The following NEMP2 variants were observed in gnomAD, a reference collection of about 807,000 sequenced individuals.
NEMP2 encodes nuclear envelope integral membrane protein 2, also known as UPF0571 transmembrane protein.
In NEMP2, 53 loss-of-function variants were observed where a neutral mutation model predicts 54.2. That is an observed-to-expected ratio of 0.98 (90% CI 0.78 to 1.23). The LOEUF is 1.23. Ranked by LOEUF, NEMP2 falls within the 50% of genes most tolerant of loss-of-function variation. The pLI is 0.00. For synonymous variants in NEMP2, 197 were observed against 190.3 expected (o/e 1.04, Z -0.29); for missense variants, 455 against 511.3 (o/e 0.89, Z 1.06).
the NEMP2 span, among the ~76,000 whole-genome samples, chr2:190,543,429 T>C: frequency 2.0e-5 from 3 of 152,316 alleles, no homozygotes; most frequent in East Asian, 1.9e-4. The surrounding 1 kb of genome is among the most constrained non-coding windows in gnomAD (Gnocchi z 4.7). Context: ...AAAAGTGAGA[T>C]TGAGGTGGAC....
At chr2:190,493,964 C>A in the NEMP2 span, among the ~76,000 whole-genome samples, 2 of 151,098 alleles carry the variant, frequency 1.3e-5, no homozygotes, top group Non-Finnish European at 3.0e-5. Flanking sequence ...ACTAGAGAAA[C>A]AAGAACAAAC....
chr2:190,452,026 G>A, the NEMP2 span, among the ~76,000 whole-genome samples: 2 of 151,160 alleles, frequency 1.3e-5, no homozygotes, highest in Admixed American at 6.6e-5. Flanking sequence ...GATGATTCAT[G>A]TACTATCTTT....
the NEMP2 span, among the ~76,000 whole-genome samples, chr2:190,643,567 T>C: frequency 3.9e-5 from 6 of 152,224 alleles, no homozygotes; most frequent in Non-Finnish European, 8.8e-5. Context: ...AAGTGAATAA[T>C]AGTGCATACT....
At chr2:190,524,666 C>A (rs753192583) in intron 2 of NEMP2, among the ~76,000 whole-genome samples, 13 of 152,136 alleles carry the variant, frequency 8.5e-5, no homozygotes, top group Non-Finnish European at 1.5e-4. Context: ...TTTCTTTTTT[C>A]ATAGTACTTA....
the NEMP2 span, among the ~76,000 whole-genome samples, chr2:190,599,224 A>C: frequency 6.6e-6 from 1 of 152,212 alleles, no homozygotes. Flanking sequence ...GAAGCTATAA[A>C]AGGCAGGCTA....
upstream of NEMP2, among the ~76,000 whole-genome samples, chr2:190,537,469 T>G (rs1244166439): frequency 6.6e-6 from 1 of 152,182 alleles, no homozygotes; most frequent in Admixed American, 6.5e-5. Context: ...ACTCAGCACT[T>G]CTCTCCTGCT....
the NEMP2 span, among the ~76,000 whole-genome samples, chr2:190,483,046 C>T: frequency 2.0e-5 from 3 of 150,770 alleles, no homozygotes; most frequent in Non-Finnish European, 3.0e-5. Context: ...CGCCTGCCAC[C>T]GCGCCCGGCT....
chr2:190,640,166 A>G, the NEMP2 span, among the ~76,000 whole-genome samples: 34 of 152,310 alleles, frequency 2.2e-4, no homozygotes, highest in Non-Finnish European at 4.0e-4. Context: ...TCCATCATAT[A>G]GATATCTTAT....
the NEMP2 span, among the ~76,000 whole-genome samples, chr2:190,549,420 C>T: frequency 6.6e-6 from 1 of 152,218 alleles, no homozygotes; most frequent in Non-Finnish European, 1.5e-5. Flanking sequence ...TCCTCATCTA[C>T]TATTTGGCTA....
chr2:190,627,873 C>G, the NEMP2 span: 1 of 152,240 alleles, frequency 6.6e-6, no homozygotes, highest in Non-Finnish European at 1.5e-5. This position sits in a 1 kb window ranked among gnomAD's most constrained non-coding sequence, Gnocchi z 4.4. Flanking sequence ...TAGATTCAAA[C>G]GTACATTTTT....
chr2:190,626,143 T>C, the NEMP2 span: 3 of 152,178 alleles, frequency 2.0e-5, no homozygotes, highest in African/African-American at 7.2e-5. This position sits in a 1 kb window ranked among gnomAD's most constrained non-coding sequence, Gnocchi z 4.5. Flanking sequence ...GGGTCTCTTT[T>C]ATAAGGGCAC....
chr2:190,639,740 C>T, the NEMP2 span, among the ~76,000 whole-genome samples: 2 of 151,970 alleles, frequency 1.3e-5, no homozygotes, highest in Non-Finnish European at 1.5e-5. Context: ...CCTCAGCCTC[C>T]CGGGTTCAAG....
At chr2:190,598,781 T>C in the NEMP2 span, among the ~76,000 whole-genome samples, 1 of 152,246 alleles carries the variant, frequency 6.6e-6, no homozygotes, top group African/African-American at 2.4e-5. Context: ...ACCAGTGAAA[T>C]TGTACTTTGC....
At chr2:190,579,074 A>G in the NEMP2 span, among the ~76,000 whole-genome samples, 2 of 152,008 alleles carry the variant, frequency 1.3e-5, no homozygotes, top group East Asian at 3.9e-4. Flanking sequence ...TGTTTGGCAG[A>G]CAGTCTAGTG....
In NEMP2 at chr2:190,531,781, T is replaced by A. The variant is rs988424869; in HGVS notation, c.97+2778A>T. Among the ~76,000 whole-genome samples the A allele has an allele frequency of 1.3e-5, 2 of 152,148 alleles. No individual in the cohort carries two copies. The highest frequency in any genetic ancestry group is 4.8e-5 in the African/African-American group (2 of 41,438). On this transcript the variant is annotated intron_variant, in intron 1 of 8. Coordinates refer to ENST00000409150, the MANE Select transcript of NEMP2 (RefSeq NM_001142645.2). This position sits in a 1 kb window ranked among gnomAD's most constrained non-coding sequence, Gnocchi z 4.7. ...TCCTAAATGTAAGTATATGTTTAAG[T>A]TAAAGAGTTGAGTCATATATACGGA...
chr2:190,514,408 G>T lies in NEMP2; in HGVS notation c.953+45C>A, dbSNP rs1030098859. 9 of 1,461,632 alleles carry T rather than the reference G, an allele frequency of 6.2e-6. No homozygotes were observed. In the Admixed American group the frequency reaches 1.8e-4, roughly 29 times the overall value. The allele number at this position is 1,461,632 out of a possible 1,614,324, so 90.5% of individuals were successfully genotyped here. A position where few individuals can be genotyped will look rare whatever the true frequency, so the allele number is the denominator to read the frequency against. On this transcript the variant is annotated intron_variant, in intron 7 of 8. Transcript: ENST00000409150. The surrounding 1 kb of genome is among the most constrained non-coding windows in gnomAD (Gnocchi z 5.7). ...AACACTCTCCCAAATAATAAAACTA[G>T]AGCTCAAAATGTCAAATTTGCTGGG...
the NEMP2 span, among the ~76,000 whole-genome samples, chr2:190,586,648 G>A: frequency 6.6e-6 from 1 of 152,094 alleles, no homozygotes; most frequent in Non-Finnish European, 1.5e-5. This position sits in a 1 kb window ranked among gnomAD's most constrained non-coding sequence, Gnocchi z 4.5. Context: ...GATTTTCGGG[G>A]AGAGAAACAT....
At chr2:190,486,403 A>G in the NEMP2 span, among the ~76,000 whole-genome samples, 2 of 152,220 alleles carry the variant, frequency 1.3e-5, no homozygotes, top group Non-Finnish European at 2.9e-5. Flanking sequence ...TCTCCCTATG[A>G]TGCTATCTCC....
the NEMP2 span, among the ~76,000 whole-genome samples, chr2:190,632,141 T>A: frequency 6.6e-6 from 1 of 152,224 alleles, no homozygotes; most frequent in African/African-American, 2.4e-5. The surrounding 1 kb of genome is among the most constrained non-coding windows in gnomAD (Gnocchi z 4.8). Context: ...GAGTTGTGTT[T>A]CCATTGCTAG....
Sources: allele counts gnomAD v4.1 joint callset (sites outside exome capture counted in the v4.1 genomes callset), GRCh38; gene constraint gnomAD v4.1.1; non-coding constraint Gnocchi (gnomAD v3.1); transcripts MANE v1.5; gene names NCBI Gene and HGNC (gene_info 2026-07-23, HGNC 2026-07-21).